The following ABCA10 variants were observed in gnomAD, a reference collection of about 807,000 sequenced individuals.
ABCA10 encodes ATP-binding cassette sub-family A member 10.
ABCA10 carries 169 observed loss-of-function variants against 187.5 expected under a neutral mutation model. The ratio of observed to expected loss-of-function variants is 0.90; its 90% CI spans 0.80 to 1.02. ABCA10 has a LOEUF of 1.02. ABCA10 is among the 50% of genes least tolerant of loss of function. ABCA10 has a pLI of 0.00. For missense variants in ABCA10, 1,727 were observed against 1,812.4 expected, an observed-to-expected ratio of 0.95 and a Z score of 0.86; for synonymous variants, 574 against 601.8, an observed-to-expected ratio of 0.95 and a Z score of 0.68.
At chr17:69,194,994 T>C (rs1384726150) in intron 11 of ABCA10, among the ~76,000 whole-genome samples, 2 of 152,214 alleles carry the variant, frequency 1.3e-5, no homozygotes, top group Admixed American at 6.5e-5. Context: ...GGTCATCATT[T>C]TGCTTTATAT....
At chr17:69,239,030 A>C (rs1484283456) in intron 1 of ABCA10, among the ~76,000 whole-genome samples, 1 of 152,214 alleles carries the variant, frequency 6.6e-6, no homozygotes, top group Non-Finnish European at 1.5e-5. Context: ...ATGGCCTAAA[A>C]ACTAAAGCAG....
intron 9 of ABCA10, among the ~76,000 whole-genome samples, chr17:69,209,667 G>T (rs1598116465): frequency 6.6e-6 from 1 of 152,178 alleles, no homozygotes; most frequent in South Asian, 2.1e-4. Flanking sequence ...ATTTTTTATG[G>T]AGCTAAATAA....
At chr17:69,163,430 T>C (rs996342048) in intron 27 of ABCA10, among the ~76,000 whole-genome samples, 2 of 152,222 alleles carry the variant, frequency 1.3e-5, no homozygotes, top group African/African-American at 4.8e-5. Context: ...TAGAATTCAA[T>C]GGTCAATTAA....
In ABCA10 at chr17:69,225,291, A is replaced by G. The variant is rs2074784808; in HGVS notation, c.34+34T>C. On this transcript the variant is annotated intron_variant, in intron 3 of 38. Transcript: ENST00000690296. ...AAAAAGAACTTGAAAATTAAGTCAC[A>G]TAATACTGAAACATTGGTTATTGGA... 5 of 1,609,840 alleles carry G rather than the reference A, an allele frequency of 3.1e-6. No homozygotes were observed. In the East Asian group the frequency reaches 8.9e-5, roughly 29 times the overall value.
upstream of ABCA10, among the ~76,000 whole-genome samples, chr17:69,229,876 A>G (rs2074818906): frequency 6.6e-6 from 1 of 152,084 alleles, no homozygotes; most frequent in African/African-American, 2.4e-5. Flanking sequence ...AAAACAATTA[A>G]AATCATACTA....
At chr17:69,168,894 G>C (rs1212478533) in intron 25 of ABCA10, among the ~76,000 whole-genome samples, 1 of 152,186 alleles carries the variant, frequency 6.6e-6, no homozygotes. Flanking sequence ...TGATTGTGAG[G>C]CTTCCCCAGC....
intron 1 of ABCA10, among the ~76,000 whole-genome samples, chr17:69,235,687 T>C (rs1290035764): frequency 6.6e-6 from 1 of 152,036 alleles, no homozygotes. Flanking sequence ...TCTGTCCCAT[T>C]TCTACTAGGC....
chr17:69,185,003 C>T (rs2074410619), intron 20 of ABCA10, among the ~76,000 whole-genome samples: 1 of 151,688 alleles, frequency 6.6e-6, no homozygotes, highest in Non-Finnish European at 1.5e-5. Flanking sequence ...TTGTAGCAAC[C>T]TGGATGGAGT....
intron 37 of ABCA10, 102 bp downstream of exon 37, chr17:69,149,882 G>T: frequency 2.2e-6 from 2 of 900,374 alleles, no homozygotes; most frequent in Non-Finnish European, 3.3e-6. Context: ...TTCAAGTTTT[G>T]ATTGATTATT....
chr17:69,171,934 CA>C (rs555588771), intron 25 of ABCA10, among the ~76,000 whole-genome samples: 2,918 of 80,226 alleles, frequency 0.036, 32 homozygotes, highest in African/African-American at 0.1. Flanking sequence ...TTTGGGAAGC[CA>C]AAAAAAAAAA....
At chr17:69,244,136 G>C (rs2074924983) in intron 1 of ABCA10, among the ~76,000 whole-genome samples, 2 of 152,078 alleles carry the variant, frequency 1.3e-5, no homozygotes, top group South Asian at 4.1e-4. Context: ...ATGTGATAAT[G>C]TGTAAGTTAA....
intron 3 of ABCA10, chr17:69,223,626 A>G (rs1251981581): frequency 2.3e-6 from 1 of 436,432 alleles, no homozygotes; most frequent in East Asian, 7.7e-5. Context: ...CTGTAGCCAT[A>G]CCTTTCAAAA....
rs577051539 is a variant in ABCA10 at position 69,224,767 on chromosome 17, G to A, written c.34+558C>T. Reference sequence around the variant, plus strand: ...ACTTTCAGTAGCCAATACCTGATTTGATTTTAAATAATTTTAAATGCCCTG... The same window carrying A: ...ACTTTCAGTAGCCAATACCTGATTTAATTTTAAATAATTTTAAATGCCCTG... On this transcript the variant is annotated intron_variant, in intron 3 of 38. Coordinates refer to ENST00000690296, the MANE Select transcript of ABCA10 (RefSeq NM_001377321.1). Among the ~76,000 whole-genome samples, 4 of 150,172 alleles carry A rather than the reference G, an allele frequency of 2.7e-5. No individual in the cohort carries two copies. In the South Asian group the frequency reaches 8.5e-4, roughly 32 times the overall value.
chr17:69,152,568 A>T lies in ABCA10; in HGVS notation c.4137-87T>A. 5.3e-6 allele frequency: 8 copies of T among 1,514,872 alleles called. 1 individual carries two copies. The South Asian group carries it at 1.1e-4, about 20-fold the overall frequency. The allele number at this position is 1,514,872 out of a possible 1,614,324, so 93.8% of individuals were successfully genotyped here. A position where few individuals can be genotyped will look rare whatever the true frequency, so the allele number is the denominator to read the frequency against. On this transcript the variant is annotated intron_variant, in intron 34 of 38. Coordinates refer to ENST00000690296, the MANE Select transcript of ABCA10 (RefSeq NM_001377321.1). Reference sequence around the variant, plus strand: ...AAAAAAGCAGGAAATCTAAAGAGAAAATGTTATGTTAGGATGCAAGAAACC... The same window carrying T: ...AAAAAAGCAGGAAATCTAAAGAGAATATGTTATGTTAGGATGCAAGAAACC...
chr17:69,150,169 G>T (rs972173566), intron 36 of ABCA10, 106 bp from the exon 37 acceptor site: 102 of 763,960 alleles, frequency 1.3e-4, no homozygotes, highest in Non-Finnish European at 2.0e-4. Flanking sequence ...CTTTAAATAA[G>T]TGTCTGATTT....
rs1025635199 is a variant in ABCA10, at chr17:69,175,634, A to G, written c.2770-121T>C. 8 of 723,622 alleles carry G rather than the reference A, an allele frequency of 1.1e-5. No homozygotes were observed. The East Asian group carries it at 2.5e-4, about 22-fold the overall frequency. The allele number at this position is 723,622 out of a possible 1,614,324, so 44.8% of individuals were successfully genotyped here. ...AAGCATTCACCTGATTTAAGAAGCA[A>G]AGAGACAAGCAAACATGTTTTGTTA... On this transcript the variant is annotated intron_variant, in intron 22 of 38. Transcript: ENST00000690296.
At chr17:69,209,518 T>TAGA (rs1568069175) in intron 9 of ABCA10, among the ~76,000 whole-genome samples, 3 of 152,202 alleles carry the variant, frequency 2.0e-5, no homozygotes, top group African/African-American at 7.2e-5. Context: ...AAAATAAGTC[T>TAGA]AGAAGAAAGC....
chr17:69,185,424 C>CT, intron 20 of ABCA10, 53 bp downstream of exon 20: 2 of 1,542,880 alleles, frequency 1.3e-6, no homozygotes, highest in Non-Finnish European at 1.8e-6. Flanking sequence ...TATGTGCTTT[C>CT]TAAAGATCTT....
At chr17:69,190,638 T>C (rs2074452981) in intron 17 of ABCA10, among the ~76,000 whole-genome samples, 161 bp from the exon 18 acceptor site, 1 of 152,120 alleles carries the variant, frequency 6.6e-6, no homozygotes, top group South Asian at 2.1e-4. Flanking sequence ...TATTCTCTTG[T>C]CATTCAAATC....
Sources: gnomAD v4.1 joint callset for allele counts (sites outside exome capture counted in the v4.1 genomes callset) on GRCh38, gnomAD v4.1.1 for gene constraint, MANE v1.5 for transcripts, NCBI Gene and HGNC (gene_info 2026-07-23, HGNC 2026-07-21) for gene names.